FBRSL1: variants seen among roughly 807,000 people sequenced by gnomAD.
FBRSL1 encodes the protein fibrosin like 1.
In FBRSL1, 51 loss-of-function variants were observed where a neutral mutation model predicts 89.6. That is an observed-to-expected ratio of 0.57 (90% CI 0.45 to 0.72). The LOEUF (loss-of-function observed/expected upper bound fraction) is 0.72, where lower values mean the gene tolerates loss of function less well. FBRSL1 is among the 30% of genes least tolerant of loss of function. FBRSL1 has a pLI of 0.00. For synonymous variants in FBRSL1, 779 were observed against 681.1 expected, an observed-to-expected ratio of 1.14 and a Z score of -2.24; for missense variants, 1,618 against 1,451.8, an observed-to-expected ratio of 1.11 and a Z score of -1.86.
At chr12:132,525,651 G>C (rs2035728794) in intron 2 of FBRSL1, 83 bp from the exon 3 acceptor site, 1 of 1,138,530 alleles carries the variant, frequency 8.8e-7, no homozygotes, top group Non-Finnish European at 1.3e-6. Context: ...GCCGGGAGCA[G>C]GCATGTAGCC....
chr12:132,521,327 A>G (rs1161956478), intron 2 of FBRSL1, among the ~76,000 whole-genome samples: 2 of 152,186 alleles, frequency 1.3e-5, no homozygotes, highest in Admixed American at 6.5e-5. Flanking sequence ...CCGCCTCTGC[A>G]TACCTGTGCT....
intron 15 of FBRSL1, among the ~76,000 whole-genome samples, chr12:132,579,802 G>A (rs1035880441): frequency 1.3e-5 from 2 of 152,200 alleles, no homozygotes; most frequent in South Asian, 4.1e-4. Context: ...CTCTTGTGAG[G>A]TCTGATCCTC....
chr12:132,509,448 C>T, intron 2 of FBRSL1: 1 of 1,240,902 alleles, frequency 8.1e-7, no homozygotes, highest in Non-Finnish European at 1.0e-6. Context: ...CCAGCGGCTC[C>T]TTCCATCCCC....
At chr12:132,535,040 C>G (rs1333742932) in intron 4 of FBRSL1, among the ~76,000 whole-genome samples, 2 of 152,220 alleles carry the variant, frequency 1.3e-5, no homozygotes, top group South Asian at 4.1e-4. Context: ...GGCGCACAGC[C>G]CTGCTGGAGA....
chr12:132,510,352 T>A, intron 2 of FBRSL1: 1 of 1,231,282 alleles, frequency 8.1e-7, no homozygotes, highest in Non-Finnish European at 1.0e-6. Flanking sequence ...CTCCTGGCCC[T>A]GGGCCATCCC....
intron 5 of FBRSL1, among the ~76,000 whole-genome samples, chr12:132,561,494 T>C (rs1347328245): frequency 6.6e-6 from 1 of 152,116 alleles, no homozygotes; most frequent in Admixed American, 6.5e-5. Flanking sequence ...GAGGGCCGGC[T>C]TTGGGGGCTG....
chr12:132,509,134 C>G, intron 2 of FBRSL1: 1 of 1,233,926 alleles, frequency 8.1e-7, no homozygotes, highest in Non-Finnish European at 1.0e-6. Context: ...TGACACCTGC[C>G]CAGGTGGACA....
chr12:132,518,073 G>A (rs969521038), intron 2 of FBRSL1, among the ~76,000 whole-genome samples: 8 of 152,056 alleles, frequency 5.3e-5, no homozygotes, highest in Admixed American at 1.3e-4. Flanking sequence ...CCCCTCCTCC[G>A]GCACACAGGA....
intron 4 of FBRSL1, among the ~76,000 whole-genome samples, chr12:132,530,357 G>A (rs1314149026): frequency 6.6e-6 from 1 of 152,188 alleles, no homozygotes; most frequent in African/African-American, 2.4e-5. Flanking sequence ...CCACATAGGT[G>A]CCAGACTGTG....
intron 1 of FBRSL1, among the ~76,000 whole-genome samples, chr12:132,493,573 G>C (rs968669795): frequency 1.3e-5 from 2 of 152,216 alleles, no homozygotes; most frequent in Non-Finnish European, 2.9e-5. Flanking sequence ...CTCTCCGCCT[G>C]TCTGAACAGG....
intron 2 of FBRSL1, among the ~76,000 whole-genome samples, chr12:132,518,233 A>G (rs559801912): frequency 1.3e-5 from 2 of 151,610 alleles, no homozygotes; most frequent in East Asian, 3.9e-4. Flanking sequence ...CCATCCACCC[A>G]TCTGTCCATC....
At chr12:132,554,459 G>A (rs2038445924) in intron 5 of FBRSL1, 1 of 152,258 alleles carries the variant, frequency 6.6e-6, no homozygotes, top group Non-Finnish European at 1.5e-5. Context: ...GGGTTTTGAT[G>A]AGTATGTTTA....
In FBRSL1 at chr12:132,510,660, T is replaced by C. The variant is rs1007559646; in HGVS notation, c.489+2310T>C. The C allele has an allele frequency of 3.1e-5, 38 of 1,229,236 alleles. No individual in the cohort carries two copies. In the African/African-American group the frequency reaches 5.4e-4, roughly 18 times the overall value. 76.1% of individuals were successfully genotyped at this position (1,229,236 alleles called of 1,614,324 possible). On this transcript the variant is annotated intron_variant, in intron 2 of 18. Transcript: ENST00000680143. ...AGCCCCTACAGTGCCACGATCAGGC[T>C]GAGGCTCACCACACCAGGAAGAGAG...
chr12:132,502,331 T>TC (rs2033088007), intron 1 of FBRSL1, among the ~76,000 whole-genome samples: 1 of 152,206 alleles, frequency 6.6e-6, no homozygotes, highest in African/African-American at 2.4e-5. Context: ...TGGGCCATCT[T>TC]CCCTGGTGCC....
chr12:132,571,390 G>A, intron 9 of FBRSL1, 159 bp downstream of exon 9: 3 of 1,550,958 alleles, frequency 1.9e-6, no homozygotes, highest in Non-Finnish European at 1.7e-6. Context: ...GGGCCCGGGG[G>A]CTCTGCTGCG....
rs978195290 is a variant in FBRSL1, at chr12:132,584,907, G to C, written c.*1129G>C. The stretch of plus-strand genomic sequence containing the variant: ...GAGGCATCAGCGTCACCTCGGTGTG[G>C]TCGTCGCCTCCCAGGCCCTTGGCCT... On this transcript the variant is annotated 3_prime_UTR_variant, in exon 19 of 19. Coordinates refer to ENST00000680143, the MANE Select transcript of FBRSL1 (RefSeq NM_001367871.1). 6.6e-6 allele frequency: 1 copy of C among 152,216 alleles called. No individual in the cohort carries two copies. Among genetic ancestry groups the C allele is most frequent in the Non-Finnish European group, 1.5e-5 (1 of 68,106 alleles). 9.4% of individuals were successfully genotyped at this position (152,216 alleles called of 1,614,324 possible).
chr12:132,584,684 C>T lies in FBRSL1; in HGVS notation c.*906C>T, dbSNP rs750607293. ...GCAGAACAGCACTCCTGGGCGGCTC[C>T]TGTGGGCTTCAGGACTGGCCGGCTC... On this transcript the variant is annotated 3_prime_UTR_variant, in exon 19 of 19. Transcript: ENST00000680143. 14 of 152,340 alleles carry T rather than the reference C, an allele frequency of 9.2e-5. No individual in the cohort carries two copies. Among genetic ancestry groups the T allele is most frequent in the Non-Finnish European group, 1.9e-4 (13 of 68,176 alleles). The allele number at this position is 152,340 out of a possible 1,614,324, so 9.4% of individuals were successfully genotyped here. A position where few individuals can be genotyped will look rare whatever the true frequency, so the allele number is the denominator to read the frequency against.
chr12:132,526,485 C>T (rs1189336575), intron 3 of FBRSL1, among the ~76,000 whole-genome samples: 1 of 152,214 alleles, frequency 6.6e-6, no homozygotes, highest in African/African-American at 2.4e-5. Flanking sequence ...AACGAAGGCC[C>T]TCCCACCCCT....
rs970221025 is a variant in FBRSL1, at chr12:132,570,116, G to C, written c.882G>C (p.Pro294=). The change falls in exon 7 of 19, where the codon CCG becomes CCC. Residue 294 remains proline (P), a synonymous_variant. Transcript: ENST00000680143. ...TGGTGAAGAAGGAACCCCCCGCCCC[G>C]CACCGCCACACCCCGCAGCCGCCAC... ...NPLVKKEPPA[P]HRHTPQPPPP... The C allele has an allele frequency of 2.0e-6, 3 of 1,468,648 alleles. No homozygotes were observed. Among genetic ancestry groups the C allele is most frequent in the Non-Finnish European group, 2.7e-6 (3 of 1,116,820 alleles). The allele number at this position is 1,468,648 out of a possible 1,614,324, so 91.0% of individuals were successfully genotyped here. A position where few individuals can be genotyped will look rare whatever the true frequency, so the allele number is the denominator to read the frequency against.
Sources: gnomAD v4.1 joint callset for allele counts (sites outside exome capture counted in the v4.1 genomes callset) on GRCh38, gnomAD v4.1.1 for gene constraint, MANE v1.5 for transcripts, NCBI Gene and HGNC (gene_info 2026-07-23, HGNC 2026-07-21) for gene names.